CFAP20DC: variants seen among roughly 807,000 people sequenced by gnomAD.
The protein encoded by CFAP20DC is protein CFAP20DC.
A neutral mutation model predicts 101.7 loss-of-function variants in CFAP20DC; 84 were observed. The ratio of observed to expected loss-of-function variants is 0.83; its 90% CI spans 0.69 to 0.99. CFAP20DC has a LOEUF of 0.99. Among genes scored for constraint, CFAP20DC ranks in the 50% least tolerant of loss-of-function variants. CFAP20DC has a pLI of 0.00. For synonymous variants in CFAP20DC, 359 were observed against 351.2 expected (o/e 1.02, Z -0.25); for missense variants, 1,007 against 970.3 (o/e 1.04, Z -0.50).
chr3:59,012,605 T>A (rs984907967), intron 4 of CFAP20DC, among the ~76,000 whole-genome samples: 1 of 152,234 alleles, frequency 6.6e-6, no homozygotes, highest in Non-Finnish European at 1.5e-5. Flanking sequence ...CATGGAAGGC[T>A]TTTAAGTAGG....
At chr3:58,891,153 G>C (rs1249338517) in intron 6 of CFAP20DC, among the ~76,000 whole-genome samples, 1 of 151,968 alleles carries the variant, frequency 6.6e-6, no homozygotes, top group East Asian at 1.9e-4. Flanking sequence ...CTGAGTGAAC[G>C]AGACTCCGTC....
chr3:58,824,819 G>A (rs2075933064), intron 14 of CFAP20DC, among the ~76,000 whole-genome samples: 1 of 151,608 alleles, frequency 6.6e-6, no homozygotes, highest in Non-Finnish European at 1.5e-5. Context: ...CTTGATATTA[G>A]GTATGGGAAT....
At chr3:58,985,456 G>C (rs978795708) in intron 4 of CFAP20DC, among the ~76,000 whole-genome samples, 2 of 151,846 alleles carry the variant, frequency 1.3e-5, no homozygotes, top group Non-Finnish European at 2.9e-5. Flanking sequence ...AAAATAACCA[G>C]CAATGTTATC....
chr3:58,898,311 A>T (rs1451552583), intron 6 of CFAP20DC, among the ~76,000 whole-genome samples: 1 of 152,030 alleles, frequency 6.6e-6, no homozygotes, highest in Non-Finnish European at 1.5e-5. Flanking sequence ...AGTAACTGGA[A>T]CTACGTAAGC....
At chr3:58,770,622 G>T (rs571903928) in intron 15 of CFAP20DC, among the ~76,000 whole-genome samples, 2 of 152,334 alleles carry the variant, frequency 1.3e-5, no homozygotes, top group South Asian at 2.1e-4. Context: ...CAGTAGAAAG[G>T]TGTGAGAGAG....
intron 3 of CFAP20DC, among the ~76,000 whole-genome samples, chr3:59,042,532 T>C (rs1408889599): frequency 1.3e-5 from 2 of 152,000 alleles, no homozygotes; most frequent in African/African-American, 4.8e-5. Context: ...GGGACCTGTA[T>C]GGTTGCAAAA....
intron 15 of CFAP20DC, among the ~76,000 whole-genome samples, chr3:58,789,168 T>C (rs535916543): frequency 1.8e-4 from 27 of 152,308 alleles, no homozygotes; most frequent in African/African-American, 5.8e-4. Context: ...ATAAGGCAAC[T>C]GTAGGTTAAA....
At chr3:58,848,464 G>C (rs1448501565) in intron 13 of CFAP20DC, among the ~76,000 whole-genome samples, 1 of 152,066 alleles carries the variant, frequency 6.6e-6, no homozygotes, top group African/African-American at 2.4e-5. Flanking sequence ...GCAGCTTATA[G>C]GGGAATTGAA....
intron 4 of CFAP20DC, among the ~76,000 whole-genome samples, chr3:58,990,277 T>C (rs773612662): frequency 6.6e-6 from 1 of 152,226 alleles, no homozygotes; most frequent in Non-Finnish European, 1.5e-5. Flanking sequence ...TAGCTTCTGC[T>C]ATGAAGATGT....
chr3:58,973,110 G>T (rs1162962753), intron 4 of CFAP20DC, among the ~76,000 whole-genome samples: 1 of 152,076 alleles, frequency 6.6e-6, no homozygotes, highest in African/African-American at 2.4e-5. Flanking sequence ...TTTCCATGGG[G>T]ATTATGTCCA....
At chr3:58,735,884 T>C (rs1199189133) in intron 3 of CFAP20DC, among the ~76,000 whole-genome samples, 1 of 152,174 alleles carries the variant, frequency 6.6e-6, no homozygotes, top group African/African-American at 2.4e-5. Flanking sequence ...CCACAGCCGA[T>C]TATAACAGGA....
At chr3:58,958,222 C>G (rs890706587) in intron 4 of CFAP20DC, among the ~76,000 whole-genome samples, 2 of 152,062 alleles carry the variant, frequency 1.3e-5, no homozygotes, top group African/African-American at 4.8e-5. Context: ...CAGACAATAC[C>G]AATCTGGTTT....
intron 5 of CFAP20DC, among the ~76,000 whole-genome samples, chr3:58,935,474 T>C (rs2087422164): frequency 6.6e-6 from 1 of 151,882 alleles, no homozygotes; most frequent in Non-Finnish European, 1.5e-5. Context: ...AAGTCAATCC[T>C]AAGCCAAAAG....
In CFAP20DC at chr3:58,795,517, T is replaced by C. The variant is rs1161569025; in HGVS notation, c.2237+10878A>G. Reference sequence around the variant, plus strand: ...GCTTGTGCCTGTGGTCTCGGCTACATGGGAAGCTGGAGTGGGAGAGTTACC... The same window carrying C: ...GCTTGTGCCTGTGGTCTCGGCTACACGGGAAGCTGGAGTGGGAGAGTTACC... On this transcript the variant is annotated intron_variant, in intron 15 of 16. Transcript: ENST00000482387. This position sits in a 1 kb window ranked among gnomAD's most constrained non-coding sequence, Gnocchi z 4.2. Among the ~76,000 whole-genome samples the C allele has an allele frequency of 1.3e-5, 2 of 152,084 alleles. No homozygotes were observed. The highest frequency in any genetic ancestry group is 2.9e-5 in the Non-Finnish European group (2 of 68,008).
intron 14 of CFAP20DC, among the ~76,000 whole-genome samples, chr3:58,811,557 A>G (rs967637726): frequency 6.6e-6 from 1 of 152,176 alleles, no homozygotes; most frequent in Non-Finnish European, 1.5e-5. Flanking sequence ...AATTAATTCA[A>G]GATGGATTAA....
chr3:58,890,788 G>C (rs941393452), intron 6 of CFAP20DC, among the ~76,000 whole-genome samples: 3 of 149,540 alleles, frequency 2.0e-5, no homozygotes, highest in African/African-American at 7.4e-5. Context: ...TCCCAGATGG[G>C]GCGGCGGGGC....
intron 5 of CFAP20DC, among the ~76,000 whole-genome samples, chr3:58,924,775 CAT>C (rs1246384211): frequency 2.0e-5 from 3 of 152,008 alleles, no homozygotes; most frequent in Non-Finnish European, 4.4e-5. Flanking sequence ...TATTCTGACT[CAT>C]GTGTGATGGT....
chr3:58,849,481 C>A (rs2078027520), intron 12 of CFAP20DC, 72 bp from the exon 13 acceptor site: 1 of 1,117,388 alleles, frequency 8.9e-7, no homozygotes, highest in African/African-American at 1.6e-5. Flanking sequence ...AGTACAAGTT[C>A]TTAATAAATT....
chr3:58,855,765 C>T (rs143449013), intron 12 of CFAP20DC, among the ~76,000 whole-genome samples: 8,323 of 142,754 alleles, frequency 0.058, 491 homozygotes, highest in East Asian at 0.35. Flanking sequence ...TATTCTCACT[C>T]ATAGGTGGGA....
Sources: gnomAD v4.1 joint callset for allele counts (sites outside exome capture counted in the v4.1 genomes callset) on GRCh38, gnomAD v4.1.1 for gene constraint, Gnocchi (gnomAD v3.1) non-coding constraint, MANE v1.5 for transcripts, NCBI Gene and HGNC (gene_info 2026-07-23, HGNC 2026-07-21) for gene names.